Variants in CCDC85A observed in about 807,000 individuals in gnomAD.
CCDC85A encodes coiled-coil domain-containing protein 85A.
Under a neutral mutation model 50.2 loss-of-function variants are expected in CCDC85A, and 38 were observed. The ratio of observed to expected loss-of-function variants is 0.76; its 90% CI spans 0.58 to 0.99. CCDC85A has a LOEUF of 0.99. Ranked by LOEUF, CCDC85A falls within the 50% of genes least tolerant of loss-of-function variation. The probability of loss-of-function intolerance (pLI) is 0.00; values close to 1 mark genes in which losing one functional copy is unlikely to be tolerated. For synonymous variants in CCDC85A, 366 were observed against 301.4 expected, an observed-to-expected ratio of 1.21 and a Z score of -2.22; for missense variants, 820 against 742.0, an observed-to-expected ratio of 1.11 and a Z score of -1.22.
chr2:56,189,875 G>A (rs1676224386), intron 1 of CCDC85A, among the ~76,000 whole-genome samples: 1 of 152,188 alleles, frequency 6.6e-6, no homozygotes, highest in South Asian at 2.1e-4. Context: ...GCAAACAAAG[G>A]CAGGGAGGCT....
At chr2:56,310,222 C>T (rs1672628567) in intron 2 of CCDC85A, among the ~76,000 whole-genome samples, 1 of 152,128 alleles carries the variant, frequency 6.6e-6, no homozygotes, top group Non-Finnish European at 1.5e-5. Context: ...TTGACTGATG[C>T]AACTGATTGC....
chr2:56,217,786 G>A lies in CCDC85A; in HGVS notation c.1240+24346G>A, dbSNP rs111769644. Among the ~76,000 whole-genome samples the A allele has an allele frequency of 1.4e-3, 216 of 151,944 alleles. 1 individual carries two copies. Among genetic ancestry groups the A allele is most frequent in the African/African-American group, 4.6e-3 (192 of 41,518 alleles). ...TTATGTAGGAATTAAAGCATATGAT[G>A]TAGTTATTATATTAATTGTACATGA... On this transcript the variant is annotated intron_variant, in intron 2 of 5. Coordinates refer to ENST00000407595, the MANE Select transcript of CCDC85A (RefSeq NM_001080433.2).
rs1268676488 is a variant in CCDC85A at position 56,384,426 on chromosome 2, AG to A, written c.*72del. The A allele has an allele frequency of 2.2e-6, 3 of 1,369,126 alleles. No homozygotes were observed. In the African/African-American group the frequency reaches 4.3e-5, roughly 20 times the overall value. 84.8% of individuals were successfully genotyped at this position (1,369,126 alleles called of 1,614,324 possible). ...TAGAAGACAAGAAGAAAAAGGAAAGAGTGGGTTTCCACAAACCTGGACTCAT... is the reference window on the plus strand; with the variant it reads ...TAGAAGACAAGAAGAAAAAGGAAAGATGGGTTTCCACAAACCTGGACTCAT... On this transcript the variant is annotated 3_prime_UTR_variant, in exon 6 of 6. Transcript: ENST00000407595.
chr2:56,375,974 T>G (rs1201319634), intron 5 of CCDC85A, 39 bp downstream of exon 5: 1 of 1,599,800 alleles, frequency 6.3e-7, no homozygotes, highest in East Asian at 2.3e-5. Flanking sequence ...AGAGCTTCAG[T>G]TGTGTCGTCG....
At chr2:56,329,528 G>A (rs950156120) in intron 2 of CCDC85A, among the ~76,000 whole-genome samples, 2 of 152,136 alleles carry the variant, frequency 1.3e-5, no homozygotes, top group Non-Finnish European at 2.9e-5. Context: ...TGCTAATTTA[G>A]ATTATCTAAA....
chr2:56,285,943 G>GT (rs1671424062), intron 2 of CCDC85A, among the ~76,000 whole-genome samples: 1 of 151,828 alleles, frequency 6.6e-6, no homozygotes, highest in Admixed American at 6.6e-5. Flanking sequence ...TCTGCAAATG[G>GT]TTTTTTTCAA....
intron 2 of CCDC85A, among the ~76,000 whole-genome samples, chr2:56,222,897 A>G (rs1293942314): frequency 1.3e-5 from 2 of 152,128 alleles, no homozygotes; most frequent in Non-Finnish European, 2.9e-5. Flanking sequence ...TTCAAAAACA[A>G]TTTGCATGCT....
In CCDC85A at chr2:56,296,487, C is replaced by T. The variant is rs538022668; in HGVS notation, c.1241-46392C>T. Among the ~76,000 whole-genome samples, 3 of 152,230 alleles carry T rather than the reference C, an allele frequency of 2.0e-5. No homozygotes were observed. The East Asian group carries it at 5.8e-4, about 29-fold the overall frequency. On this transcript the variant is annotated intron_variant, in intron 2 of 5. Transcript: ENST00000407595. ...AGCAGGCAGCTGAACCGTCACCAGG[C>T]GCCCTATTATTTTTTACTTACATGG...
chr2:56,244,368 CT>C (rs1427735612), intron 2 of CCDC85A, among the ~76,000 whole-genome samples: 21 of 152,046 alleles, frequency 1.4e-4, no homozygotes, highest in African/African-American at 5.1e-4. Flanking sequence ...GTGGGAAGTA[CT>C]GCCAGGGTAC....
intron 2 of CCDC85A, among the ~76,000 whole-genome samples, chr2:56,201,480 A>G (rs933050469): frequency 1.3e-5 from 2 of 152,136 alleles, no homozygotes; most frequent in Admixed American, 1.3e-4. Context: ...GATTATAAAG[A>G]AAAGTGAAAA....
intron 2 of CCDC85A, among the ~76,000 whole-genome samples, chr2:56,261,744 G>C (rs1670228167): frequency 6.6e-6 from 1 of 152,206 alleles, no homozygotes; most frequent in Admixed American, 6.5e-5. Flanking sequence ...GCTGAGGAGG[G>C]TGAGGCACCA....
Position 56,342,978 on chromosome 2 carries a change from T to C in CCDC85A, c.1317+23T>C, listed in dbSNP as rs369470389. The C allele has an allele frequency of 4.6e-6, 7 of 1,525,342 alleles. No homozygotes were observed. The African/African-American group carries it at 6.9e-5, about 15-fold the overall frequency. The allele number at this position is 1,525,342 out of a possible 1,614,324, so 94.5% of individuals were successfully genotyped here. ...CAGGTGGGTGACTTCCAGAAGCTCA[T>C]AGCTAGTCAGTGCCATTTAAGTTGT... On this transcript the variant is annotated intron_variant, in intron 3 of 5. Transcript: ENST00000407595.
chr2:56,365,677 A>G lies in CCDC85A; in HGVS notation c.1318-6667A>G, dbSNP rs149038057. Among the ~76,000 whole-genome samples the G allele has an allele frequency of 4.2e-4, 64 of 152,342 alleles. 1 individual carries two copies. Among genetic ancestry groups the G allele is most frequent in the African/African-American group, 1.3e-3 (55 of 41,582 alleles). ...AAATTACATCTTTACTGTGTACAAC[A>G]TGATGTTTTAAAGTATTAGACATCG... On this transcript the variant is annotated intron_variant, in intron 3 of 5. Transcript: ENST00000407595.
chr2:56,266,586 C>CA (rs1337529477), intron 2 of CCDC85A, among the ~76,000 whole-genome samples: 1 of 134,578 alleles, frequency 7.4e-6, no homozygotes, highest in African/African-American at 2.7e-5. Context: ...GCGCCCCCCC[C>CA]CCCCATAATC....
chr2:56,327,254 G>C (rs1377985802), intron 2 of CCDC85A, among the ~76,000 whole-genome samples: 1 of 152,110 alleles, frequency 6.6e-6, no homozygotes, highest in East Asian at 1.9e-4. Flanking sequence ...GGAATTGTGG[G>C]TGTTAAAGAG....
intron 2 of CCDC85A, among the ~76,000 whole-genome samples, chr2:56,288,700 C>T (rs1459238312): frequency 2.6e-5 from 4 of 151,692 alleles, no homozygotes; most frequent in African/African-American, 9.7e-5. Context: ...GCCCCCCCCA[C>T]CCCAAAAATC....
In CCDC85A at chr2:56,331,770, C is replaced by T. The variant is rs574811279; in HGVS notation, c.1241-11109C>T. ...CACTTGCATGGCAGTAAAAGAACAG[C>T]ACTCGTGATTTTTTCATCAAACCCT... is the stretch of plus-strand genomic sequence containing the variant. On this transcript the variant is annotated intron_variant, in intron 2 of 5. Coordinates refer to ENST00000407595, the MANE Select transcript of CCDC85A (RefSeq NM_001080433.2). Among the ~76,000 whole-genome samples the T allele has an allele frequency of 2.6e-5, 4 of 152,350 alleles. No individual in the cohort carries two copies. The East Asian group carries it at 7.7e-4, about 29-fold the overall frequency.
In CCDC85A at chr2:56,359,384, G is replaced by A. The variant is rs574515753; in HGVS notation, c.1318-12960G>A. 2.5e-4 allele frequency among the ~76,000 whole-genome samples: 38 copies of A among 152,308 alleles called. No individual in the cohort carries two copies. In the South Asian group the frequency reaches 7.7e-3, roughly 31 times the overall value. The stretch of plus-strand genomic sequence containing the variant: ...TAGAAGGGACAATTGTTGTGATATC[G>A]TCGAATAGGAAATTTGTACTTTTTT... On this transcript the variant is annotated intron_variant, in intron 3 of 5. Coordinates refer to ENST00000407595, the MANE Select transcript of CCDC85A (RefSeq NM_001080433.2).
At chr2:56,290,425 G>A (rs946069565) in intron 2 of CCDC85A, among the ~76,000 whole-genome samples, 4 of 152,018 alleles carry the variant, frequency 2.6e-5, no homozygotes, top group Non-Finnish European at 4.4e-5. Context: ...TGTGTTTACA[G>A]GTGATCAAAT....
Sources: allele counts gnomAD v4.1 joint callset (sites outside exome capture counted in the v4.1 genomes callset), GRCh38; gene constraint gnomAD v4.1.1; transcripts MANE v1.5; gene names NCBI Gene and HGNC (gene_info 2026-07-23, HGNC 2026-07-21).